The following PTK2B variants were observed in gnomAD, a reference collection of about 807,000 sequenced individuals.
The protein encoded by PTK2B is protein-tyrosine kinase 2-beta.
Under a neutral mutation model 142.9 loss-of-function variants are expected in PTK2B, and 71 were observed. The ratio of observed to expected loss-of-function variants is 0.50; its 90% CI spans 0.41 to 0.61. The LOEUF (loss-of-function observed/expected upper bound fraction) is 0.61, where lower values mean the gene tolerates loss of function less well. Among genes scored for constraint, PTK2B ranks in the 20% least tolerant of loss-of-function variants. The probability of loss-of-function intolerance (pLI) is 0.00; values close to 1 mark genes in which losing one functional copy is unlikely to be tolerated. For missense variants in PTK2B, 1,105 were observed against 1,320.4 expected (o/e 0.84, Z 2.53); for synonymous variants, 519 against 503.4 (o/e 1.03, Z -0.42).
Position 27,391,969 on chromosome 8 carries a change from G to A in PTK2B, c.-37-5579G>A, listed in dbSNP as rs561709802. Among the ~76,000 whole-genome samples, 4 of 152,288 alleles carry A rather than the reference G, an allele frequency of 2.6e-5. No homozygotes were observed. The South Asian group carries it at 6.2e-4, about 24-fold the overall frequency. ...ATGTAGTCTCCTCTGACTCTGCTCC[G>A]ACGGTCTGGGGCAGACCAGGAAGCA... is the stretch of plus-strand genomic sequence containing the variant. On this transcript the variant is annotated intron_variant, in intron 1 of 30. Coordinates refer to ENST00000346049, the MANE Select transcript of PTK2B (RefSeq NM_173176.3).
At chr8:27,424,709 C>G (rs1338993518) in intron 5 of PTK2B, among the ~76,000 whole-genome samples, 1 of 152,204 alleles carries the variant, frequency 6.6e-6, no homozygotes, top group African/African-American at 2.4e-5. Context: ...GAATTGGACA[C>G]ACTTCGGAAA....
chr8:27,360,514 C>T (rs531586559), intron 1 of PTK2B, among the ~76,000 whole-genome samples: 1 of 152,266 alleles, frequency 6.6e-6, no homozygotes, highest in South Asian at 2.1e-4. Context: ...CTTCCTCCTT[C>T]CAGGTCCCTC....
At chr8:27,389,479 G>T (rs867676051) in intron 1 of PTK2B, among the ~76,000 whole-genome samples, 15 of 152,316 alleles carry the variant, frequency 9.8e-5, no homozygotes, top group Middle Eastern at 3.4e-3. Flanking sequence ...CAAAGGCTTT[G>T]AGGGGAGGAG....
rs772128656 is a variant in PTK2B, at chr8:27,440,356, C to T, written c.1954C>T (p.Pro652Ser). ...GCTGCCCAAGCCTGATCTCTGTCCACCGGTCCTTTATACCCTCATGACCCG... is the reference window on the plus strand; with the variant it reads ...GCTGCCCAAGCCTGATCTCTGTCCATCGGTCCTTTATACCCTCATGACCCG... ...DRLPKPDLCP[P>S]VLYTLMTRCW... is the part of the protein sequence containing the mutation. The change falls in exon 21 of 31, where the codon CCG becomes TCG. Residue 652 changes from proline to serine, a missense_variant. By Grantham distance (74) the Pro-to-Ser change is moderately conservative (BLOSUM62 -1). Coordinates refer to ENST00000346049, the MANE Select transcript of PTK2B (RefSeq NM_173176.3). 1.9e-6 allele frequency: 3 copies of T among 1,614,238 alleles called. No individual in the cohort carries two copies. The South Asian group carries it at 3.3e-5, about 18-fold the overall frequency.
At chr8:27,441,097 G>A (rs1325540331) in intron 21 of PTK2B, among the ~76,000 whole-genome samples, 1 of 152,100 alleles carries the variant, frequency 6.6e-6, no homozygotes, top group Admixed American at 6.5e-5. Flanking sequence ...TCTATAAAGG[G>A]CCAAATAGTA....
At chr8:27,444,616 G>C (rs1811350963) in intron 23 of PTK2B, among the ~76,000 whole-genome samples, 2 of 152,150 alleles carry the variant, frequency 1.3e-5, no homozygotes, top group South Asian at 4.2e-4. Flanking sequence ...AAATGGAGTA[G>C]CTCCATGGGA....
At chr8:27,328,193 T>C (rs1803532183) in intron 1 of PTK2B, among the ~76,000 whole-genome samples, 1 of 152,198 alleles carries the variant, frequency 6.6e-6, no homozygotes, top group African/African-American at 2.4e-5. Context: ...CAAAGTAGAA[T>C]TAACTGAAGG....
chr8:27,342,751 T>G (rs1804482561), intron 1 of PTK2B, among the ~76,000 whole-genome samples: 2 of 152,224 alleles, frequency 1.3e-5, no homozygotes. Flanking sequence ...TGCCTTATTT[T>G]ATCATTCATT....
intron 1 of PTK2B, among the ~76,000 whole-genome samples, chr8:27,330,373 A>G (rs1803673520): frequency 6.6e-6 from 1 of 151,986 alleles, no homozygotes; most frequent in Non-Finnish European, 1.5e-5. Context: ...TCCCCTGAGC[A>G]CTCTCTCACA....
chr8:27,400,688 G>T (rs1356756815), intron 2 of PTK2B, among the ~76,000 whole-genome samples: 2 of 152,204 alleles, frequency 1.3e-5, no homozygotes, highest in Non-Finnish European at 2.9e-5. Context: ...GACTAAATGG[G>T]TGTTGGTACT....
upstream of PTK2B, among the ~76,000 whole-genome samples, chr8:27,323,917 CAG>C (rs1416171728): frequency 3.3e-5 from 5 of 152,182 alleles, no homozygotes; most frequent in African/African-American, 1.2e-4. Context: ...TGTGGCCACA[CAG>C]GGGCAGCACA....
chr8:27,397,938 C>T (rs1473500320), intron 2 of PTK2B, 150 bp downstream of exon 2: 3 of 937,784 alleles, frequency 3.2e-6, no homozygotes, highest in Non-Finnish European at 4.9e-6. Flanking sequence ...GCTCAGCCTG[C>T]ATCACCAGGC....
At chr8:27,374,196 A>G (rs1806529539) in intron 1 of PTK2B, among the ~76,000 whole-genome samples, 1 of 152,216 alleles carries the variant, frequency 6.6e-6, no homozygotes, top group Non-Finnish European at 1.5e-5. Flanking sequence ...CATAGACAAT[A>G]GAAGTATTTG....
chr8:27,383,591 T>A (rs1397533534), intron 1 of PTK2B, among the ~76,000 whole-genome samples: 2 of 152,108 alleles, frequency 1.3e-5, no homozygotes, highest in African/African-American at 4.8e-5. Flanking sequence ...TTTTATAGTT[T>A]CCATCATAAA....
At chr8:27,397,329 A>G (rs1053635507) in intron 1 of PTK2B, 1 of 515,896 alleles carries the variant, frequency 1.9e-6, no homozygotes, top group South Asian at 2.1e-5. Flanking sequence ...GGGAGCCCCA[A>G]GTCTGGGTTT....
chr8:27,427,672 A>T (rs950114951), intron 5 of PTK2B, among the ~76,000 whole-genome samples: 4 of 152,180 alleles, frequency 2.6e-5, no homozygotes, highest in African/African-American at 9.7e-5. Context: ...TGTCTTATTA[A>T]TGTGGAGGCT....
intron 18 of PTK2B, among the ~76,000 whole-genome samples, chr8:27,438,342 G>A (rs1000841334): frequency 7.3e-6 from 1 of 136,788 alleles, no homozygotes; most frequent in African/African-American, 2.8e-5. Context: ...CCCTGTGGCT[G>A]TGGAGTTGGC....
chr8:27,349,905 C>G (rs1333856370), intron 1 of PTK2B, among the ~76,000 whole-genome samples: 2 of 152,148 alleles, frequency 1.3e-5, no homozygotes, highest in Admixed American at 6.5e-5. Flanking sequence ...AGTCTTTGTC[C>G]TAAAGTTGTC....
chr8:27,454,598 C>T lies in PTK2B; in HGVS notation c.2801C>T (p.Ser934Phe), dbSNP rs915685262. 2 of 1,614,134 alleles carry T rather than the reference C, an allele frequency of 1.2e-6. No homozygotes were observed. The highest frequency in any genetic ancestry group is 1.7e-6 in the Non-Finnish European group (2 of 1,179,976). Residue 934 changes from serine (S) to phenylalanine (F), a missense_variant, in exon 30 of 31, where the codon TCT (serine) becomes TTT (phenylalanine). Transcript: ENST00000346049. Reference sequence around the variant, plus strand: ...GATCTCCTGCCTTCCTTGCCGTCATCTTCACGGACAGAGGTGAGCGTCCCA... The same window carrying T: ...GATCTCCTGCCTTCCTTGCCGTCATTTTCACGGACAGAGGTGAGCGTCCCA... ...VDDLLPSLPS[S>F]SRTEIEGTQK...
Sources: allele counts gnomAD v4.1 joint callset (sites outside exome capture counted in the v4.1 genomes callset), GRCh38; gene constraint gnomAD v4.1.1; transcripts MANE v1.5; gene names NCBI Gene and HGNC (gene_info 2026-07-23, HGNC 2026-07-21).